The following TENM2 variants were observed in gnomAD, a reference collection of about 807,000 sequenced individuals.
TENM2 encodes teneurin-2.
TENM2 carries 52 observed loss-of-function variants against 245.2 expected under a neutral mutation model. That is an observed-to-expected ratio of 0.21 (90% CI 0.17 to 0.27). The LOEUF (loss-of-function observed/expected upper bound fraction) is 0.27, where lower values mean the gene tolerates loss of function less well. Ranked by LOEUF, TENM2 falls within the 10% of genes least tolerant of loss-of-function variation. The probability of loss-of-function intolerance (pLI) is 1.00; values close to 1 mark genes in which losing one functional copy is unlikely to be tolerated. For missense variants in TENM2, 3,046 were observed against 3,666.8 expected, an observed-to-expected ratio of 0.83 and a Z score of 4.37; for synonymous variants, 1,363 against 1,438.9, an observed-to-expected ratio of 0.95 and a Z score of 1.19.
At chr5:166,984,329 C>T in the TENM2 span, among the ~76,000 whole-genome samples, 1,485 of 152,118 alleles carry the variant, frequency 9.8e-3, 12 homozygotes, top group Non-Finnish European at 0.014. Context: ...TGATAATATA[C>T]CGATTCTAAA....
the TENM2 span, among the ~76,000 whole-genome samples, chr5:167,236,742 C>T: frequency 2.6e-5 from 4 of 152,156 alleles, no homozygotes; most frequent in East Asian, 1.9e-4. Flanking sequence ...ATTGGAAGCT[C>T]ATGGGAGTCA....
intron 4 of TENM2, among the ~76,000 whole-genome samples, chr5:167,987,045 C>G (rs1011877566): frequency 1.3e-5 from 2 of 152,140 alleles, no homozygotes; most frequent in African/African-American, 4.8e-5. Context: ...AGAATAACCA[C>G]CTGGTTTCAA....
At chr5:166,997,981 A>G in the TENM2 span, among the ~76,000 whole-genome samples, 1 of 152,172 alleles carries the variant, frequency 6.6e-6, no homozygotes, top group South Asian at 2.1e-4. Flanking sequence ...AGTTTCATAT[A>G]TGTACATAAT....
intron 25 of TENM2, chr5:168,240,996 A>C (rs1005555289): frequency 1.3e-5 from 2 of 152,264 alleles, no homozygotes; most frequent in African/African-American, 4.8e-5. Context: ...GAGAAGACCT[A>C]TCTTTCTGAC....
At chr5:167,114,036 C>A in the TENM2 span, among the ~76,000 whole-genome samples, 1 of 152,172 alleles carries the variant, frequency 6.6e-6, no homozygotes, top group East Asian at 1.9e-4. Context: ...TGACCTGCAG[C>A]CTTCCTTAGA....
intron 13 of TENM2, among the ~76,000 whole-genome samples, chr5:168,184,067 CAACT>C (rs1760174402): frequency 6.6e-6 from 1 of 152,168 alleles, no homozygotes; most frequent in Non-Finnish European, 1.5e-5. Flanking sequence ...TGTGCCCTCC[CAACT>C]AATACCTCCT....
chr5:167,646,200 CATATATATATATATAT>C (rs61476810), intron 2 of TENM2, among the ~76,000 whole-genome samples: 2 of 63,422 alleles, frequency 3.2e-5, no homozygotes, highest in Non-Finnish European at 6.3e-5. Context: ...ATGTTGTTTT[CATATATATATATATAT>C]ATATATATAT....
intron 2 of TENM2, among the ~76,000 whole-genome samples, chr5:167,815,004 G>A (rs1766936304): frequency 6.6e-6 from 1 of 152,102 alleles, no homozygotes; most frequent in African/African-American, 2.4e-5. Context: ...GGATGAGTGT[G>A]AATCTACTTT....
intron 2 of TENM2, among the ~76,000 whole-genome samples, chr5:167,620,549 C>CTTTTTTT (rs11455974): frequency 2.0e-4 from 15 of 73,332 alleles, no homozygotes; most frequent in East Asian, 4.8e-4. Flanking sequence ...TGCTTTTTGG[C>CTTTTTTT]TTTTTTTTTT....
chr5:167,821,622 T>C (rs532832503), intron 2 of TENM2, among the ~76,000 whole-genome samples: 1 of 152,356 alleles, frequency 6.6e-6, no homozygotes, highest in South Asian at 2.1e-4. Context: ...TTTCCTCTTA[T>C]TTGGCTACAG....
chr5:168,184,699 CA>C (rs1760231924), intron 13 of TENM2, among the ~76,000 whole-genome samples: 1 of 152,180 alleles, frequency 6.6e-6, no homozygotes, highest in African/African-American at 2.4e-5. Context: ...CAGCCAACTC[CA>C]AAGGATCCAG....
At chr5:167,213,885 G>T in the TENM2 span, among the ~76,000 whole-genome samples, 7 of 152,178 alleles carry the variant, frequency 4.6e-5, no homozygotes, top group Non-Finnish European at 7.3e-5. Flanking sequence ...ACCTACTTAT[G>T]GATTAGTATT....
chr5:168,100,814 TATGGGTGCAGCAAACCAGATGACAGGTTG>T (rs1487905490), intron 9 of TENM2, among the ~76,000 whole-genome samples: 1 of 151,496 alleles, frequency 6.6e-6, no homozygotes, highest in Non-Finnish European at 1.5e-5. Context: ...AGCAAACTAT[TATGGGTGCAGCAAACCAGATGACAGGTTG>T]ATGGGTGCAG....
At chr5:167,585,720 T>C (rs991593903) in intron 2 of TENM2, among the ~76,000 whole-genome samples, 1 of 152,076 alleles carries the variant, frequency 6.6e-6, no homozygotes, top group Non-Finnish European at 1.5e-5. Context: ...AGAATAAAAA[T>C]GTTAATCAAA....
the TENM2 span, among the ~76,000 whole-genome samples, chr5:167,133,618 G>GAAA: frequency 2.9e-5 from 4 of 139,124 alleles, no homozygotes; most frequent in African/African-American, 5.3e-5. Flanking sequence ...CTCAAACTTG[G>GAAA]AAAAAAAAAA....
chr5:167,612,483 G>C, intron 2 of TENM2, among the ~76,000 whole-genome samples: 1 of 151,864 alleles, frequency 6.6e-6, no homozygotes, highest in East Asian at 1.9e-4. Context: ...AATTTCCATG[G>C]CTACATACCC....
intron 4 of TENM2, among the ~76,000 whole-genome samples, chr5:167,969,992 C>T (rs1781657012): frequency 6.6e-6 from 1 of 152,160 alleles, no homozygotes; most frequent in Non-Finnish European, 1.5e-5. Flanking sequence ...GGAGGGCTGG[C>T]AGGCAAAAGC....
At position 168,030,167 on chromosome 5, in the gene TENM2, T is replaced by TTTTTTTTTTTTTTTTTC. The variant is rs1215515084; in HGVS notation, c.1187-17244_1187-17243insCTTTTTTTTTTTTTTTT. ...AAGTCTGGTTCTGGCTCTTTTTTTT[T>TTTTTTTTTTTTTTTTTC]TTTTTTTTTTTTTTTTTTTTCATCT... is the stretch of plus-strand genomic sequence containing the variant. On this transcript the variant is annotated intron_variant, in intron 5 of 28. Coordinates refer to ENST00000518659, the Ensembl canonical transcript of TENM2. Among the ~76,000 whole-genome samples the TTTTTTTTTTTTTTTTTC allele has an allele frequency of 1.6e-4, 16 of 97,846 alleles. 1 individual carries two copies. Among genetic ancestry groups the TTTTTTTTTTTTTTTTTC allele is most frequent in the East Asian group, 1.2e-3 (4 of 3,444 alleles). 64.2% of individuals were successfully genotyped at this position (97,846 alleles called of 152,430 possible). A position where few individuals can be genotyped will look rare whatever the true frequency, so the allele number is the denominator to read the frequency against.
chr5:168,007,978 G>A (rs984993722), intron 5 of TENM2, among the ~76,000 whole-genome samples: 1 of 152,086 alleles, frequency 6.6e-6, no homozygotes, highest in Non-Finnish European at 1.5e-5. Flanking sequence ...TTAAAGTAGG[G>A]CTTGATATTT....
Sources: allele counts gnomAD v4.1 joint callset (sites outside exome capture counted in the v4.1 genomes callset), GRCh38; gene constraint gnomAD v4.1.1; transcripts MANE v1.5; gene names NCBI Gene and HGNC (gene_info 2026-07-23, HGNC 2026-07-21).